Variants in SHKBP1 observed in about 807,000 individuals in gnomAD.
SHKBP1 encodes the protein SH3KBP1-binding protein 1.
Under a neutral mutation model 83.9 loss-of-function variants are expected in SHKBP1, and 71 were observed. The ratio of observed to expected loss-of-function variants is 0.85; its 90% CI spans 0.70 to 1.03. SHKBP1 has a LOEUF of 1.03. SHKBP1 is among the 50% of genes least tolerant of loss of function. SHKBP1 has a pLI of 0.00. For missense variants in SHKBP1, 824 were observed against 982.4 expected (o/e 0.84, Z 2.16); for synonymous variants, 371 against 398.0 (o/e 0.93, Z 0.81).
intron 12 of SHKBP1, among the ~76,000 whole-genome samples, chr19:40,586,288 C>G (rs1012964690): frequency 2.0e-5 from 3 of 152,144 alleles, no homozygotes; most frequent in Admixed American, 6.5e-5. Context: ...TTTCCCACAT[C>G]TCATCACCAT....
chr19:40,586,305 G>T (rs1292336281), intron 12 of SHKBP1, among the ~76,000 whole-genome samples: 2 of 151,130 alleles, frequency 1.3e-5, no homozygotes, highest in East Asian at 3.9e-4. Context: ...CCATCTTTTT[G>T]TGTCCTTCCC....
intron 6 of SHKBP1, among the ~76,000 whole-genome samples, 160 bp downstream of exon 6, chr19:40,578,702 G>A (rs142404127): frequency 1.3e-5 from 2 of 152,102 alleles, no homozygotes; most frequent in Admixed American, 6.6e-5. Context: ...AAGGAAGTTG[G>A]ACACAGCATT....
chr19:40,580,731 C>G lies in SHKBP1; in HGVS notation c.654-15C>G. 1.9e-6 allele frequency: 3 copies of G among 1,612,828 alleles called. No homozygotes were observed. The highest frequency in any genetic ancestry group is 2.5e-6 in the Non-Finnish European group (3 of 1,179,216). On this transcript the variant is annotated splice_polypyrimidine_tract_variant and intron_variant, in intron 8 of 17. Coordinates refer to ENST00000291842, the MANE Select transcript of SHKBP1 (RefSeq NM_138392.4). ...GCATGCGGTGAGGGTTGGTGATGTC[C>G]CCTCGATCCTACAGGTTGAAGGAAG...
intron 6 of SHKBP1, among the ~76,000 whole-genome samples, chr19:40,580,000 T>C (rs1797224029): frequency 8.4e-6 from 1 of 118,506 alleles, no homozygotes; most frequent in Non-Finnish European, 1.6e-5. Context: ...GCCATTGCAC[T>C]CCAGCCTGTG....
At chr19:40,587,086 G>C in intron 13 of SHKBP1, 142 bp downstream of exon 13, 1 of 732,594 alleles carries the variant, frequency 1.4e-6, no homozygotes, top group Non-Finnish European at 2.2e-6. Flanking sequence ...GGATGGGACT[G>C]TAATTGCAGA....
At chr19:40,582,547 C>G (rs1362699620) in intron 10 of SHKBP1, 81 bp downstream of exon 10, 16 of 1,144,480 alleles carry the variant, frequency 1.4e-5, no homozygotes, top group Non-Finnish European at 2.0e-5. Context: ...ACGTCTGCCC[C>G]CACCCCCACC....
Position 40,581,523 on chromosome 19 carries a change from C to CAA in SHKBP1, c.844+602_844+603dup, listed in dbSNP as rs373552328. Among the ~76,000 whole-genome samples the CAA allele has an allele frequency of 5.8e-3, 371 of 63,824 alleles. 2 individuals are homozygous for CAA. Among genetic ancestry groups the CAA allele is most frequent in the African/African-American group, 0.023 (341 of 15,070 alleles). The allele number at this position is 63,824 out of a possible 152,430, so 41.9% of individuals were successfully genotyped here. On this transcript the variant is annotated intron_variant, in intron 9 of 17. Transcript: ENST00000291842. ...GAGTGGACAGAGTGAGACACCATCT[C>CAA]AAAAAAAAAAAAAAAACAAAAAAAG...
rs1397072034 is a variant in SHKBP1, at chr19:40,590,773, CTG to C, written c.1815_1816del (p.Cys605Ter). 1.6e-5 allele frequency: 25 copies of C among 1,602,982 alleles called. No individual in the cohort carries two copies. Among genetic ancestry groups the C allele is most frequent in the Non-Finnish European group, 2.0e-5 (23 of 1,171,224 alleles). ...EQELMEQLEH[C>X]ELAPPAPSAP... is the part of the protein sequence containing the mutation. ...AAGAGCTGATGGAACAGCTGGAACACTGTGAGCTGGCCCCGCCGGCTCCTTCA... is the reference window on the plus strand; with the variant it reads ...AAGAGCTGATGGAACAGCTGGAACACTGAGCTGGCCCCGCCGGCTCCTTCA... On this transcript the variant is annotated frameshift_variant, in exon 17 of 18. Transcript: ENST00000291842. LOFTEE classifies it high-confidence loss of function. This position sits in a 1 kb window ranked among gnomAD's most constrained non-coding sequence, Gnocchi z 4.6.
intron 9 of SHKBP1, among the ~76,000 whole-genome samples, chr19:40,581,379 G>T (rs896545727): frequency 6.6e-6 from 1 of 151,984 alleles, no homozygotes; most frequent in African/African-American, 2.4e-5. Flanking sequence ...GCTGGGTGTG[G>T]TGGCACGTGC....
intron 6 of SHKBP1, among the ~76,000 whole-genome samples, chr19:40,579,572 G>A (rs911727695): frequency 4.6e-5 from 7 of 152,138 alleles, no homozygotes; most frequent in Non-Finnish European, 8.8e-5. Context: ...GCTGGAGTGC[G>A]AGGATCGCTT....
intron 9 of SHKBP1, among the ~76,000 whole-genome samples, chr19:40,581,730 C>G (rs187974970): frequency 9.5e-4 from 145 of 152,160 alleles, no homozygotes; most frequent in Middle Eastern, 3.4e-3. Flanking sequence ...AAAGCCACAG[C>G]AACAAATCTC....
In SHKBP1 at chr19:40,576,994, G is replaced by A; in HGVS notation, c.86+9G>A. 1 of 1,514,956 alleles carries A rather than the reference G, an allele frequency of 6.6e-7. No individual in the cohort carries two copies. The highest frequency in any genetic ancestry group is 2.3e-5 in the East Asian group (1 of 42,792). The allele number at this position is 1,514,956 out of a possible 1,614,324, so 93.8% of individuals were successfully genotyped here. A position where few individuals can be genotyped will look rare whatever the true frequency, so the allele number is the denominator to read the frequency against. On this transcript the variant is annotated intron_variant, in intron 1 of 17. Transcript: ENST00000291842. ...AATGTGGGAGGCAAGAGGTGAGTGT[G>A]GGAGACTCCTGAGGTCCCATCCTCG... is the stretch of plus-strand genomic sequence containing the variant.
At chr19:40,577,199 A>G in intron 1 of SHKBP1, 32 bp from the exon 2 acceptor site, 1 of 1,611,544 alleles carries the variant, frequency 6.2e-7, no homozygotes, top group Non-Finnish European at 8.5e-7. Flanking sequence ...GCTCCTCTTC[A>G]TCTCTTGCGT....
chr19:40,584,496 C>T lies in SHKBP1; in HGVS notation c.1165+779C>T, dbSNP rs1355055811. 2.0e-5 allele frequency among the ~76,000 whole-genome samples: 3 copies of T among 152,212 alleles called. No individual in the cohort carries two copies. The East Asian group carries it at 5.8e-4, about 29-fold the overall frequency. ...AATTCAGCGGATTTTAGTATATTCA[C>T]AAGGTTGTACAACTATCACCATGAA... On this transcript the variant is annotated intron_variant, in intron 12 of 17. Coordinates refer to ENST00000291842, the MANE Select transcript of SHKBP1 (RefSeq NM_138392.4).
chr19:40,589,581 G>T (rs1206574000), intron 15 of SHKBP1, among the ~76,000 whole-genome samples: 1 of 151,082 alleles, frequency 6.6e-6, no homozygotes, highest in African/African-American at 2.4e-5. Flanking sequence ...GGTCGGGATG[G>T]GATGGAGGAG....
At position 40,590,338 on chromosome 19, in the gene SHKBP1, C is replaced by G. The variant is rs1351356238; in HGVS notation, c.1684C>G (p.Arg562Gly). ...GSRRLGSRPR[R>G]YLLTGQANGS... The stretch of plus-strand genomic sequence containing the variant: ...CCGGCGGCTCGGCTCTCGGCCCCGG[C>G]GCTACCTGCTCACTGGCCAGGCCAA... The change falls in exon 16 of 18, where the codon CGC (arginine) becomes GGC (glycine). Residue 562 changes from arginine to glycine, a missense_variant. Transcript: ENST00000291842. This position sits in a 1 kb window ranked among gnomAD's most constrained non-coding sequence, Gnocchi z 4.6. 9 of 1,611,668 alleles carry G rather than the reference C, an allele frequency of 5.6e-6. No homozygotes were observed. Among genetic ancestry groups the G allele is most frequent in the Admixed American group, 5.0e-5 (3 of 59,850 alleles).
At chr19:40,583,753 C>A (rs757026613) in intron 12 of SHKBP1, 36 bp downstream of exon 12, 3 of 1,521,952 alleles carry the variant, frequency 2.0e-6, no homozygotes, top group Admixed American at 3.3e-5. Context: ...CTGCTGTCAC[C>A]TGCCAGCCCC....
chr19:40,582,937 G>A (rs1399489258), intron 10 of SHKBP1, among the ~76,000 whole-genome samples: 1 of 152,064 alleles, frequency 6.6e-6, no homozygotes, highest in African/African-American at 2.4e-5. Flanking sequence ...GGTAGACAGA[G>A]TCAAACCAGA....
chr19:40,582,742 G>C (rs1012503178), intron 10 of SHKBP1, among the ~76,000 whole-genome samples: 9 of 151,244 alleles, frequency 6.0e-5, no homozygotes, highest in African/African-American at 1.5e-4. Context: ...GAGCAGGTTA[G>C]GGGGGATGCT....
Sources: gnomAD v4.1 joint callset for allele counts (sites outside exome capture counted in the v4.1 genomes callset) on GRCh38, gnomAD v4.1.1 for gene constraint, Gnocchi (gnomAD v3.1) non-coding constraint, MANE v1.5 for transcripts, NCBI Gene and HGNC (gene_info 2026-07-23, HGNC 2026-07-21) for gene names.